The following MACROD2 variants were observed in gnomAD, a reference collection of about 807,000 sequenced individuals.
MACROD2 encodes ADP-ribose glycohydrolase MACROD2.
Under a neutral mutation model 70.4 loss-of-function variants are expected in MACROD2, and 36 were observed. The ratio of observed to expected loss-of-function variants is 0.51; its 90% confidence interval spans 0.39 to 0.68. The LOEUF is 0.68. Ranked by LOEUF, MACROD2 falls within the 30% of genes least tolerant of loss-of-function variation. The pLI, the probability that MACROD2 is intolerant of heterozygous loss-of-function variation, is 0.00. For missense variants in MACROD2, 496 were observed against 538.4 expected (o/e 0.92, Z 0.78); for synonymous variants, 172 against 178.8 (o/e 0.96, Z 0.30).
At chr20:15,369,497 A>G (rs979083738) in intron 6 of MACROD2, among the ~76,000 whole-genome samples, 3 of 152,184 alleles carry the variant, frequency 2.0e-5, no homozygotes, top group Non-Finnish European at 4.4e-5. Flanking sequence ...GTTATGTTTT[A>G]TCTCAACAAA....
chr20:16,005,619 G>A (rs556813135), intron 15 of MACROD2, among the ~76,000 whole-genome samples: 6 of 152,140 alleles, frequency 3.9e-5, no homozygotes, highest in African/African-American at 7.2e-5. Context: ...TCTCCTTTCC[G>A]TAAACTACCT....
intron 4 of MACROD2, among the ~76,000 whole-genome samples, chr20:14,541,472 A>G (rs974488006): frequency 2.6e-5 from 4 of 152,090 alleles, no homozygotes; most frequent in African/African-American, 9.7e-5. Flanking sequence ...TATAATTACA[A>G]GGCATATTAT....
chr20:14,596,747 C>G (rs572216715), intron 4 of MACROD2, among the ~76,000 whole-genome samples: 20 of 152,276 alleles, frequency 1.3e-4, no homozygotes, highest in Admixed American at 1.3e-3. Context: ...TGACTTTAGA[C>G]AAGTTGCTCA....
At chr20:15,703,030 T>G (rs1253263731) in intron 8 of MACROD2, among the ~76,000 whole-genome samples, 1 of 152,032 alleles carries the variant, frequency 6.6e-6, no homozygotes, top group Non-Finnish European at 1.5e-5. Context: ...TTGACAAAAA[T>G]TAGCAATGGG....
At chr20:14,340,615 G>T (rs2083003469) in intron 3 of MACROD2, among the ~76,000 whole-genome samples, 1 of 152,010 alleles carries the variant, frequency 6.6e-6, no homozygotes, top group Non-Finnish European at 1.5e-5. Flanking sequence ...CACATCTCAT[G>T]ACCTCATGTT....
Position 15,927,816 on chromosome 20 carries a change from T to G in MACROD2, c.776-5460T>G, listed in dbSNP as rs116340092. On this transcript the variant is annotated intron_variant, in intron 10 of 17. Transcript: ENST00000684519. Reference sequence around the variant, plus strand: ...GACAAAATTTGTAAAGGTTTGGAACTAACATTCCCTCCCTCCTTTCCTTCC... The same window carrying G: ...GACAAAATTTGTAAAGGTTTGGAACGAACATTCCCTCCCTCCTTTCCTTCC... 8.4e-3 allele frequency among the ~76,000 whole-genome samples: 1,278 copies of G among 152,306 alleles called. 25 individuals are homozygous for G. Among genetic ancestry groups the G allele is most frequent in the African/African-American group, 0.029 (1,208 of 41,568 alleles).
rs1463587397 is a variant in MACROD2, at chr20:15,239,792, G to C, written c.540+9731G>C. ...GAAATAGGTTAACACACTTAGACTA[G>C]GTGACAAATGTGTGGAAGAACCTCA... On this transcript the variant is annotated intron_variant, in intron 6 of 17. Transcript: ENST00000684519. Among the ~76,000 whole-genome samples, 7 of 152,326 alleles carry C rather than the reference G, an allele frequency of 4.6e-5. No individual in the cohort carries two copies. In the South Asian group the frequency reaches 1.0e-3, roughly 23 times the overall value.
At chr20:14,621,907 T>A (rs1364076438) in intron 4 of MACROD2, 3 of 152,134 alleles carry the variant, frequency 2.0e-5, no homozygotes, top group African/African-American at 7.2e-5. Context: ...AGTCAGGCCT[T>A]GGGAGGATTT....
intron 8 of MACROD2, among the ~76,000 whole-genome samples, chr20:15,507,359 CT>C (rs1446987732): frequency 6.2e-5 from 9 of 145,942 alleles, no homozygotes; most frequent in African/African-American, 2.3e-4. Context: ...TTTTTCCTTC[CT>C]TTTTCTTTCT....
intron 12 of MACROD2, among the ~76,000 whole-genome samples, chr20:15,957,254 C>T (rs1470362831): frequency 6.6e-6 from 1 of 152,124 alleles, no homozygotes; most frequent in Non-Finnish European, 1.5e-5. Flanking sequence ...CATCAAGCTG[C>T]ACACTTAAGA....
intron 8 of MACROD2, among the ~76,000 whole-genome samples, chr20:15,557,197 A>G (rs116231903): frequency 0.011 from 1,711 of 150,926 alleles, 31 homozygotes; most frequent in African/African-American, 0.04. Flanking sequence ...TTAAGTAGGC[A>G]AATTTGGAGA....
At chr20:14,173,786 C>T (rs2081242225) in intron 3 of MACROD2, among the ~76,000 whole-genome samples, 1 of 152,160 alleles carries the variant, frequency 6.6e-6, no homozygotes, top group Non-Finnish European at 1.5e-5. Context: ...GGCTGCTGTT[C>T]AGATTCTGCT....
At chr20:14,310,382 T>C (rs1382815747) in intron 3 of MACROD2, among the ~76,000 whole-genome samples, 3 of 152,080 alleles carry the variant, frequency 2.0e-5, no homozygotes, top group Non-Finnish European at 4.4e-5. Flanking sequence ...TTTTGACCAA[T>C]GATGGACTAC....
At chr20:14,791,584 CT>C (rs2072451785) in intron 5 of MACROD2, among the ~76,000 whole-genome samples, 1 of 151,970 alleles carries the variant, frequency 6.6e-6, no homozygotes, top group African/African-American at 2.4e-5. Context: ...GACAAAATAG[CT>C]ATAAAATTTT....
intron 8 of MACROD2, among the ~76,000 whole-genome samples, chr20:15,727,581 T>C (rs1255378127): frequency 2.6e-5 from 4 of 152,158 alleles, no homozygotes; most frequent in African/African-American, 9.6e-5. Flanking sequence ...CATGGAATGT[T>C]TTTCCATTTG....
intron 5 of MACROD2, among the ~76,000 whole-genome samples, chr20:14,981,444 A>ATC (rs2122839290): frequency 1.6e-5 from 1 of 63,888 alleles, no homozygotes; most frequent in African/African-American, 5.7e-5. Flanking sequence ...ATATATATAT[A>ATC]TATATATATG....
At chr20:14,325,841 C>T in intron 3 of MACROD2, 3 of 1,613,904 alleles carry the variant, frequency 1.9e-6, no homozygotes, top group Non-Finnish European at 2.5e-6. Context: ...AAGAGCGATC[C>T]ATTCCTATGA....
intron 5 of MACROD2, among the ~76,000 whole-genome samples, chr20:15,143,743 ATTAT>A (rs1210461332): frequency 7.0e-6 from 1 of 142,906 alleles, no homozygotes; most frequent in Non-Finnish European, 1.5e-5. Context: ...GTTTTTTCTA[ATTAT>A]TTATATCTGT....
chr20:15,940,872 A>G (rs2065741804), intron 12 of MACROD2, among the ~76,000 whole-genome samples: 1 of 152,234 alleles, frequency 6.6e-6, no homozygotes, highest in East Asian at 1.9e-4. Context: ...AAAATTTTGG[A>G]CATACCAATC....
Sources: allele counts gnomAD v4.1 joint callset (sites outside exome capture counted in the v4.1 genomes callset), GRCh38; gene constraint gnomAD v4.1.1; transcripts MANE v1.5; gene names NCBI Gene and HGNC (gene_info 2026-07-23, HGNC 2026-07-21).